KICS2: variants seen among roughly 807,000 people sequenced by gnomAD.
KICS2 encodes KICSTOR complex protein C12orf66.
KICS2 carries 13 observed loss-of-function variants against 31.4 expected under a neutral mutation model. That is an observed-to-expected ratio of 0.41 (90% confidence interval 0.27 to 0.66). The LOEUF (loss-of-function observed/expected upper bound fraction) is 0.66. Ranked by LOEUF, KICS2 falls within the 30% of genes least tolerant of loss-of-function variation. The pLI, the probability that KICS2 is intolerant of heterozygous loss-of-function variation, is 0.28. For synonymous variants in KICS2, 209 were observed against 214.8 expected (o/e 0.97, Z 0.24); for missense variants, 455 against 545.4 (o/e 0.83, Z 1.65).
At position 64,215,766 on chromosome 12, in the gene KICS2, T is replaced by A; in HGVS notation, c.433A>T (p.Lys145Ter). 1 of 1,614,102 alleles carries A rather than the reference T, an allele frequency of 6.2e-7. No individual in the cohort carries two copies. ...TTCTGTGTGCTGAGGGTGTACATCT[T>A]CTCATAGAAGTCTGCTATCTCCATC... ...ARMEIADFYE[K>*]MYTLSTQKFI... The change falls in exon 2 of 3, where the codon AAG (lysine) becomes TAG (stop). Residue 145 changes from lysine to a stop codon, truncating the protein, a stop_gained. Transcript: ENST00000398055. LOFTEE classifies it high-confidence loss of function.
chr12:64,207,301 CAAAAAAAAAAAA>C (rs35532711), intron 2 of KICS2, among the ~76,000 whole-genome samples: 23 of 57,348 alleles, frequency 4.0e-4, no homozygotes, highest in African/African-American at 1.2e-3. Context: ...CAACTCGTCT[CAAAAAAAAAAAA>C]AAAAAAAAAA....
chr12:64,216,567 G>A (rs1446680504), intron 1 of KICS2, among the ~76,000 whole-genome samples: 1 of 152,036 alleles, frequency 6.6e-6, no homozygotes, highest in East Asian at 1.9e-4. Context: ...GGGATCCCAG[G>A]AGAATAAAGA....
At position 64,192,850 on chromosome 12, in the gene KICS2, G is replaced by C. The variant is rs1309034159; in HGVS notation, c.*992C>G. 1.0e-6 allele frequency: 1 copy of C among 985,306 alleles called. No homozygotes were observed. The highest frequency in any genetic ancestry group is 1.2e-6 in the Non-Finnish European group (1 of 829,942). 61.0% of individuals were successfully genotyped at this position (985,306 alleles called of 1,614,324 possible). On this transcript the variant is annotated 3_prime_UTR_variant, in exon 3 of 3. Coordinates refer to ENST00000398055, the MANE Select transcript of KICS2 (RefSeq NM_152440.5). ...AAGTTCAGAAGTGCTTAAGTACTGA[G>C]GTGATTACTCAACTATGAAGAGGTC...
chr12:64,211,412 T>C (rs1417917431), intron 2 of KICS2, among the ~76,000 whole-genome samples: 1 of 152,084 alleles, frequency 6.6e-6, no homozygotes, highest in Non-Finnish European at 1.5e-5. Flanking sequence ...GGTCAGGAGT[T>C]CAAGACCAGC....
downstream of KICS2, among the ~76,000 whole-genome samples, chr12:64,188,242 G>A (rs1164829628): frequency 6.6e-6 from 1 of 152,090 alleles, no homozygotes; most frequent in Admixed American, 6.6e-5. Flanking sequence ...AGAGAGGATG[G>A]GGCTGGGCAC....
At chr12:64,213,284 C>A (rs2037600636) in intron 2 of KICS2, among the ~76,000 whole-genome samples, 1 of 151,970 alleles carries the variant, frequency 6.6e-6, no homozygotes. Context: ...ACAAAATGAT[C>A]AGCAAAGAGA....
At chr12:64,216,540 C>T (rs2037630395) in intron 1 of KICS2, among the ~76,000 whole-genome samples, 1 of 152,180 alleles carries the variant, frequency 6.6e-6, no homozygotes. Flanking sequence ...TCCCTCTATG[C>T]AAGAAAACAG....
chr12:64,187,844 G>C (rs1391034724), downstream of KICS2, among the ~76,000 whole-genome samples: 4 of 152,076 alleles, frequency 2.6e-5, no homozygotes, highest in Non-Finnish European at 5.9e-5. Context: ...CACTAAAAGT[G>C]ATCTTTTACA....
rs1159011684 is a variant in KICS2 at position 64,191,391 on chromosome 12, A to G, written c.*2451T>C. On this transcript the variant is annotated 3_prime_UTR_variant, in exon 3 of 3. Transcript: ENST00000398055. ...TTTGTGTTTATGTTTAAAAATAGAT[A>G]TACAATTCAAATATGTTCTAGGTGA... 6.6e-6 allele frequency: 1 copy of G among 152,170 alleles called. No individual in the cohort carries two copies. Among genetic ancestry groups the G allele is most frequent in the Non-Finnish European group, 1.5e-5 (1 of 68,036 alleles). 9.4% of individuals were successfully genotyped at this position (152,170 alleles called of 1,614,324 possible). A position where few individuals can be genotyped will look rare whatever the true frequency, so the allele number is the denominator to read the frequency against.
At position 64,222,103 on chromosome 12, in the gene KICS2, CTTG is replaced by C. The variant is rs774647515; in HGVS notation, c.132_134del (p.Asn44del). 1.2e-4 allele frequency: 187 copies of C among 1,613,918 alleles called. No individual in the cohort carries two copies. The highest frequency in any genetic ancestry group is 1.5e-4 in the Non-Finnish European group (176 of 1,179,962). Reference sequence around the variant, plus strand: ...GCGACAGCCAGCTGCCCCCCGCGCTCTTGTTGGCCTCTCGTTCCTTCTCCACAT... The same window carrying C: ...GCGACAGCCAGCTGCCCCCCGCGCTCTTGGCCTCTCGTTCCTTCTCCACAT... On this transcript the variant is annotated inframe_deletion, in exon 1 of 3. Transcript: ENST00000398055.
chr12:64,221,108 A>G (rs2037677799), intron 1 of KICS2, among the ~76,000 whole-genome samples: 2 of 81,836 alleles, frequency 2.4e-5, no homozygotes, highest in Non-Finnish European at 5.0e-5. Flanking sequence ...TGGTTAGGGA[A>G]CGGGGGGGGG....
At chr12:64,188,833 A>C (rs2037359123), downstream of KICS2, among the ~76,000 whole-genome samples, 1 of 152,070 alleles carries the variant, frequency 6.6e-6, no homozygotes, top group African/African-American at 2.4e-5. Context: ...GATGCTAAGG[A>C]ACTAAATATG....
intron 2 of KICS2, among the ~76,000 whole-genome samples, chr12:64,199,730 A>C (rs1445330583): frequency 0.024 from 1,993 of 82,800 alleles, no homozygotes; most frequent in Non-Finnish European, 0.03. Context: ...AAATCTCCTT[A>C]AGCTGATAAG....
At chr12:64,220,861 C>T (rs2037675080) in intron 1 of KICS2, among the ~76,000 whole-genome samples, 1 of 151,934 alleles carries the variant, frequency 6.6e-6, no homozygotes, top group African/African-American at 2.4e-5. Context: ...AATAATAACA[C>T]CATAGCAGCA....
chr12:64,195,328 A>AGTGT (rs2037423514), intron 2 of KICS2, among the ~76,000 whole-genome samples: 1 of 152,244 alleles, frequency 6.6e-6, no homozygotes, highest in South Asian at 2.1e-4. Context: ...AAAGAGGCAG[A>AGTGT]GGTAAAACAA....
chr12:64,192,749 G>C lies in KICS2; in HGVS notation c.*1093C>G, dbSNP rs1437176617. ...TACTTCCCATGAACACCTGCCGAAG[G>C]AAAGAAATAAGGCAGCATGTGCTAA... is the stretch of plus-strand genomic sequence containing the variant. On this transcript the variant is annotated 3_prime_UTR_variant, in exon 3 of 3. Transcript: ENST00000398055. 1.0e-6 allele frequency: 1 copy of C among 985,306 alleles called. No individual in the cohort carries two copies. Among genetic ancestry groups the C allele is most frequent in the Non-Finnish European group, 1.2e-6 (1 of 829,956 alleles). The allele number at this position is 985,306 out of a possible 1,614,324, so 61.0% of individuals were successfully genotyped here.
downstream of KICS2, among the ~76,000 whole-genome samples, chr12:64,189,936 T>C (rs2037366384): frequency 6.6e-6 from 1 of 151,828 alleles, no homozygotes; most frequent in Non-Finnish European, 1.5e-5. Context: ...GATTTTAAAA[T>C]ACCTCGCTCA....
chr12:64,204,178 C>T (rs2037516551), intron 2 of KICS2, among the ~76,000 whole-genome samples: 2 of 151,806 alleles, frequency 1.3e-5, no homozygotes, highest in Admixed American at 6.6e-5. Flanking sequence ...GACACAGGGA[C>T]GGGAACAACA....
intron 2 of KICS2, among the ~76,000 whole-genome samples, chr12:64,206,835 T>C (rs1283868726): frequency 6.6e-6 from 1 of 151,936 alleles, no homozygotes; most frequent in Non-Finnish European, 1.5e-5. Flanking sequence ...GTATCCAGAG[T>C]AGTCAAACTC....
Sources: allele counts gnomAD v4.1 joint callset (sites outside exome capture counted in the v4.1 genomes callset), GRCh38; gene constraint gnomAD v4.1.1; transcripts MANE v1.5; gene names NCBI Gene and HGNC (gene_info 2026-07-23, HGNC 2026-07-21).